The following MMS22L variants were observed in gnomAD, a reference collection of about 807,000 sequenced individuals.
MMS22L encodes the protein protein MMS22-like.
MMS22L carries 74 observed loss-of-function variants against 159.1 expected under a neutral mutation model. The observed-to-expected ratio is 0.47, with a 90% CI of 0.39 to 0.56. The LOEUF (loss-of-function observed/expected upper bound fraction) is 0.56, where lower values mean the gene tolerates loss of function less well. Ranked by LOEUF, MMS22L falls within the 20% of genes least tolerant of loss-of-function variation. MMS22L has a pLI of 0.00. For missense variants in MMS22L, 1,351 were observed against 1,422.1 expected (o/e 0.95, Z 0.80); for synonymous variants, 517 against 506.9 (o/e 1.02, Z -0.27).
At chr6:97,221,012 A>ATGT (rs1809582942) in intron 14 of MMS22L, among the ~76,000 whole-genome samples, 1 of 151,426 alleles carries the variant, frequency 6.6e-6, no homozygotes, top group South Asian at 2.1e-4. Flanking sequence ...ACGTCCATTG[A>ATGT]TGTTGCCAGG....
chr6:97,205,339 C>G (rs1381926599), intron 14 of MMS22L, among the ~76,000 whole-genome samples: 1 of 152,022 alleles, frequency 6.6e-6, no homozygotes, highest in Non-Finnish European at 1.5e-5. Flanking sequence ...GTCTAGCTCA[C>G]ATATTCTTCC....
Position 97,229,387 on chromosome 6 carries a change from G to A in MMS22L, c.1546C>T (p.His516Tyr). Residue 516 changes from histidine (H) to tyrosine (Y), a missense_variant, in exon 14 of 25, where the codon CAT (histidine) becomes TAT (tyrosine). Transcript: ENST00000683635. ...QVKGRIYSKF[H>Y]QKRMEELTEV... is the part of the protein sequence containing the mutation. ...GTTAGTTCTTCCATTCTTTTTTGATGGAATTTTGAATATATTCTGTAAAAC... is the reference window on the plus strand; with the variant it reads ...GTTAGTTCTTCCATTCTTTTTTGATAGAATTTTGAATATATTCTGTAAAAC... The A allele has an allele frequency of 6.4e-7, 1 of 1,564,438 alleles. No individual in the cohort carries two copies.
intron 18 of MMS22L, among the ~76,000 whole-genome samples, chr6:97,175,624 T>A (rs1449961163): frequency 2.0e-5 from 3 of 152,156 alleles, no homozygotes; most frequent in Non-Finnish European, 4.4e-5. Flanking sequence ...GTTCACTGAG[T>A]TACACAGCTT....
chr6:97,215,091 AATAT>A (rs1167446221), intron 14 of MMS22L, among the ~76,000 whole-genome samples: 15 of 141,272 alleles, frequency 1.1e-4, no homozygotes, highest in East Asian at 2.0e-4. Flanking sequence ...TCATGTTTTA[AATAT>A]ATATATATAT....
chr6:97,203,319 C>T (rs945671885), intron 14 of MMS22L, among the ~76,000 whole-genome samples: 2 of 151,682 alleles, frequency 1.3e-5, no homozygotes, highest in African/African-American at 4.9e-5. Context: ...ATTTTTTTTA[C>T]TGTCTTTAAC....
At chr6:97,155,079 T>C (rs1271585258) in intron 22 of MMS22L, among the ~76,000 whole-genome samples, 1 of 152,194 alleles carries the variant, frequency 6.6e-6, no homozygotes, top group Non-Finnish European at 1.5e-5. Context: ...GAATCTATAG[T>C]GTTTCCTGTA....
intron 15 of MMS22L, among the ~76,000 whole-genome samples, chr6:97,183,267 T>C (rs1206172): frequency 0.56 from 84,498 of 151,926 alleles, 24,586 homozygotes; most frequent in African/African-American, 0.73. Context: ...CCCTGTCCCT[T>C]TTTAGGACAC....
Position 97,254,654 on chromosome 6 carries a change from A to G in MMS22L, c.1022T>C (p.Val341Ala), listed in dbSNP as rs1461861807. Residue 341 changes from valine (V) to alanine (A), a missense_variant, in exon 10 of 25, where the codon GTA (valine) becomes GCA (alanine). Coordinates refer to ENST00000683635, the MANE Select transcript of MMS22L (RefSeq NM_001350599.2). ...SSDRRRSSMP[V>A]IQSRDPLGFS... ...ACCTAATGGATCCCTGGACTGGATT[A>G]CAGGCATAGAGGATCTTCTTCGGTC... 2.5e-6 allele frequency: 4 copies of G among 1,613,490 alleles called. No individual in the cohort carries two copies. The highest frequency in any genetic ancestry group is 3.4e-6 in the Non-Finnish European group (4 of 1,179,668).
intron 6 of MMS22L, chr6:97,272,051 T>C (rs575140605): frequency 6.6e-6 from 1 of 152,270 alleles, no homozygotes; most frequent in African/African-American, 2.4e-5. Context: ...ATGAAAGGGG[T>C]TGAGACTTCA....
intron 18 of MMS22L, among the ~76,000 whole-genome samples, chr6:97,178,100 T>G (rs950059802): frequency 1.3e-5 from 2 of 152,122 alleles, no homozygotes; most frequent in Non-Finnish European, 2.9e-5. Flanking sequence ...TCATGGAATG[T>G]TTACAAGGAT....
intron 10 of MMS22L, 26 bp downstream of exon 10, chr6:97,254,531 A>G (rs952061298): frequency 3.8e-6 from 6 of 1,593,104 alleles, no homozygotes; most frequent in Non-Finnish European, 4.3e-6. Flanking sequence ...ACAATATAAG[A>G]AAGTTTTTAA....
At position 97,148,660 on chromosome 6, in the gene MMS22L, A is replaced by G. The variant is rs572526519; in HGVS notation, c.3650+1193T>C. Among the ~76,000 whole-genome samples, 11 of 152,244 alleles carry G rather than the reference A, an allele frequency of 7.2e-5. No homozygotes were observed. In the South Asian group the frequency reaches 2.1e-3, roughly 29 times the overall value. On this transcript the variant is annotated intron_variant, in intron 24 of 24. Coordinates refer to ENST00000683635, the MANE Select transcript of MMS22L (RefSeq NM_001350599.2). ...GTACAGCTATACAATGTGTGTGTTA[A>G]GCTTTTTTACAAGAGTAAAAAAGTT...
chr6:97,145,201 G>C lies in MMS22L; in HGVS notation c.*1605C>G, dbSNP rs578167798. ...CACTATCATGATGAAAAGAAATTCAGTGTTATGAAGTCTATTAAACAGCCT... is the reference window on the plus strand; with the variant it reads ...CACTATCATGATGAAAAGAAATTCACTGTTATGAAGTCTATTAAACAGCCT... On this transcript the variant is annotated 3_prime_UTR_variant, in exon 25 of 25. Transcript: ENST00000683635. 6 of 152,148 alleles carry C rather than the reference G, an allele frequency of 3.9e-5. No homozygotes were observed. The East Asian group carries it at 1.2e-3, about 29-fold the overall frequency. 9.4% of individuals were successfully genotyped at this position (152,148 alleles called of 1,614,324 possible).
chr6:97,201,187 C>G (rs1057121099), intron 14 of MMS22L, among the ~76,000 whole-genome samples: 1 of 152,002 alleles, frequency 6.6e-6, no homozygotes, highest in African/African-American at 2.4e-5. Flanking sequence ...TGGACACAGC[C>G]TACATATTTG....
At chr6:97,247,931 C>G (rs1387604798) in intron 10 of MMS22L, among the ~76,000 whole-genome samples, 2 of 152,108 alleles carry the variant, frequency 1.3e-5, no homozygotes, top group African/African-American at 4.8e-5. Flanking sequence ...ATGCTAAATA[C>G]AGTAAATCAG....
intron 24 of MMS22L, among the ~76,000 whole-genome samples, chr6:97,149,325 C>A (rs1801096545): frequency 6.6e-6 from 1 of 152,026 alleles, no homozygotes; most frequent in African/African-American, 2.4e-5. Flanking sequence ...AATGTTGAGA[C>A]TCTAAATAGT....
chr6:97,282,854 A>C (rs1816893687), intron 1 of MMS22L: 1 of 165,774 alleles, frequency 6.0e-6, no homozygotes, highest in African/African-American at 2.4e-5. Context: ...CGCCCTCCGC[A>C]ACGTTTCTAA....
At chr6:97,222,286 T>C (rs892111260) in intron 14 of MMS22L, among the ~76,000 whole-genome samples, 5 of 152,040 alleles carry the variant, frequency 3.3e-5, no homozygotes, top group Non-Finnish European at 5.9e-5. Context: ...GATGATCTTC[T>C]AGCCTTATAG....
intron 13 of MMS22L, chr6:97,231,171 A>C (rs1226758655): frequency 2.5e-6 from 1 of 394,330 alleles, no homozygotes; most frequent in East Asian, 4.6e-5. Flanking sequence ...AAAACAAAAC[A>C]AACCAAAAAA....
Sources: allele counts gnomAD v4.1 joint callset (sites outside exome capture counted in the v4.1 genomes callset), GRCh38; gene constraint gnomAD v4.1.1; transcripts MANE v1.5; gene names NCBI Gene and HGNC (gene_info 2026-07-23, HGNC 2026-07-21).